The following KCND3 variants were observed in gnomAD, a reference collection of about 807,000 sequenced individuals.
KCND3 encodes the protein potassium voltage-gated channel subfamily D member 3, also known as A-type voltage-gated potassium channel KCND3.
Under a neutral mutation model 51.1 loss-of-function variants are expected in KCND3, and 9 were observed. The observed-to-expected ratio is 0.18, with a 90% CI of 0.11 to 0.31. KCND3 has a LOEUF of 0.31. KCND3 is among the 10% of genes least tolerant of loss of function. KCND3 has a pLI of 1.00. For synonymous variants in KCND3, 349 were observed against 368.0 expected (o/e 0.95, Z 0.59); for missense variants, 526 against 903.8 (o/e 0.58, Z 5.36).
At chr1:111,839,197 A>T (rs1243471753) in intron 2 of KCND3, among the ~76,000 whole-genome samples, 1 of 152,232 alleles carries the variant, frequency 6.6e-6, no homozygotes, top group East Asian at 1.9e-4. Flanking sequence ...TGCTTTCTCA[A>T]CAATTCCCAG....
intron 2 of KCND3, among the ~76,000 whole-genome samples, chr1:111,816,988 C>T (rs1451985425): frequency 6.6e-6 from 1 of 152,128 alleles, no homozygotes; most frequent in African/African-American, 2.4e-5. Context: ...TACATGCACA[C>T]ATCAATGTTT....
chr1:111,982,379 G>A lies in KCND3; in HGVS notation c.348C>T (p.Asp116=), dbSNP rs756600533. 15 of 1,614,180 alleles carry A rather than the reference G, an allele frequency of 9.3e-6. No individual in the cohort carries two copies. Among genetic ancestry groups the A allele is most frequent in the Admixed American group, 6.7e-5 (4 of 60,030 alleles). ...GGAGGATGCCGTAGAAGGCCAGCTC[G>A]TCGTCGTAGGCAGAGATGCACTCGT... ...PRYECISAYD[D]ELAFYGILPE... Residue 116 remains aspartate (D), a synonymous_variant, in exon 2 of 8, where the codon GAC becomes GAT. Coordinates refer to ENST00000302127, the MANE Select transcript of KCND3 (RefSeq NM_001378969.1). This position sits in a 1 kb window ranked among gnomAD's most constrained non-coding sequence, Gnocchi z 8.5.
rs1356823604 is a variant in KCND3, at chr1:111,970,371, G to T, written c.1106+11250C>A. On this transcript the variant is annotated intron_variant, in intron 2 of 7. Transcript: ENST00000302127. ...ATTTGCCTGTTCTGTTCACAGATAC[G>T]TCTTTGGCCTCCAGCATGATGCCTG... Among the ~76,000 whole-genome samples the T allele has an allele frequency of 2.6e-5, 4 of 152,184 alleles. No individual in the cohort carries two copies. In the South Asian group the frequency reaches 8.3e-4, roughly 32 times the overall value.
intron 6 of KCND3, 67 bp from the exon 7 acceptor site, chr1:111,777,340 T>G (rs72548731): frequency 2.0e-6 from 3 of 1,525,598 alleles, no homozygotes; most frequent in South Asian, 2.3e-5. Context: ...GCCCCTATAC[T>G]CTGTATGGCT....
Position 111,930,482 on chromosome 1 carries a change from G to C in KCND3, c.1106+51139C>G, listed in dbSNP as rs186231565. Among the ~76,000 whole-genome samples the C allele has an allele frequency of 2.9e-3, 446 of 152,344 alleles. 5 individuals are homozygous for C. Among genetic ancestry groups the C allele is most frequent in the African/African-American group, 9.7e-3 (402 of 41,586 alleles). The stretch of plus-strand genomic sequence containing the variant: ...TGGTTGGATGGATAACTGAATCAGT[G>C]TCTGAGCAGTAGACCAAGAAGCCAG... On this transcript the variant is annotated intron_variant, in intron 2 of 7. Coordinates refer to ENST00000302127, the MANE Select transcript of KCND3 (RefSeq NM_001378969.1).
At chr1:111,953,510 A>T (rs1373080571) in intron 2 of KCND3, among the ~76,000 whole-genome samples, 1 of 41,768 alleles carries the variant, frequency 2.4e-5, no homozygotes, top group African/African-American at 6.9e-5. Context: ...TTCCAGGCAA[A>T]GTGTTTCTTG....
intron 2 of KCND3, among the ~76,000 whole-genome samples, chr1:111,920,956 C>T (rs1319686513): frequency 6.6e-6 from 1 of 152,190 alleles, no homozygotes; most frequent in African/African-American, 2.4e-5. Flanking sequence ...ATTCTCTAAA[C>T]CCTGTGTATG....
chr1:111,808,281 C>T (rs1158984788), intron 2 of KCND3, among the ~76,000 whole-genome samples: 1 of 152,220 alleles, frequency 6.6e-6, no homozygotes, highest in Non-Finnish European at 1.5e-5. Flanking sequence ...CTTGGCCTGA[C>T]GTCTGCCACT....
chr1:111,921,444 G>A (rs1028014923), intron 2 of KCND3, among the ~76,000 whole-genome samples: 1 of 152,218 alleles, frequency 6.6e-6, no homozygotes, highest in Non-Finnish European at 1.5e-5. Flanking sequence ...TACAGAGGTA[G>A]AGGCAGGATT....
At chr1:111,834,580 C>T (rs1245893141) in intron 2 of KCND3, among the ~76,000 whole-genome samples, 5 of 152,174 alleles carry the variant, frequency 3.3e-5, no homozygotes, top group African/African-American at 9.7e-5. Context: ...CTCCTCAACA[C>T]CAGTCTTGAC....
intron 2 of KCND3, among the ~76,000 whole-genome samples, chr1:111,876,601 A>G (rs1456485855): frequency 6.6e-6 from 1 of 152,258 alleles, no homozygotes; most frequent in Non-Finnish European, 1.5e-5. Flanking sequence ...GGCAAGTTCA[A>G]TCTGCTCCCA....
At chr1:111,823,150 GA>G (rs1666423508) in intron 2 of KCND3, among the ~76,000 whole-genome samples, 1 of 152,230 alleles carries the variant, frequency 6.6e-6, no homozygotes, top group Non-Finnish European at 1.5e-5. Context: ...GGAAGATGGT[GA>G]GATTCTGAGG....
chr1:111,880,964 A>G (rs367847470), intron 2 of KCND3, among the ~76,000 whole-genome samples: 60 of 151,942 alleles, frequency 3.9e-4, no homozygotes, highest in African/African-American at 1.4e-3. Context: ...CTTGGCTCCC[A>G]CATCCTCTGT....
chr1:111,897,699 G>A (rs1472869087), intron 2 of KCND3, among the ~76,000 whole-genome samples: 2 of 152,226 alleles, frequency 1.3e-5, no homozygotes, highest in African/African-American at 4.8e-5. Context: ...GATCATCCAC[G>A]TGTGGCTGAG....
At chr1:111,789,539 G>A (rs1169994983) in intron 2 of KCND3, among the ~76,000 whole-genome samples, 1 of 152,228 alleles carries the variant, frequency 6.6e-6, no homozygotes, top group Non-Finnish European at 1.5e-5. Flanking sequence ...AAATCATGGT[G>A]CAGCAGAAAA....
intron 2 of KCND3, among the ~76,000 whole-genome samples, chr1:111,948,173 A>G (rs1304703544): frequency 2.0e-5 from 3 of 152,238 alleles, no homozygotes; most frequent in African/African-American, 7.2e-5. Flanking sequence ...CCATGCCCCT[A>G]TCCTGTGCGT....
At chr1:111,830,232 A>T (rs1440138443) in intron 2 of KCND3, among the ~76,000 whole-genome samples, 1 of 152,144 alleles carries the variant, frequency 6.6e-6, no homozygotes, top group Non-Finnish European at 1.5e-5. Context: ...TAAAAATGCA[A>T]ATCTGATCCC....
intron 2 of KCND3, among the ~76,000 whole-genome samples, chr1:111,942,160 C>A (rs1672555461): frequency 6.6e-6 from 1 of 152,164 alleles, no homozygotes; most frequent in South Asian, 2.1e-4. Context: ...CGAGCCAGGT[C>A]CTGTACTAAA....
intron 2 of KCND3, among the ~76,000 whole-genome samples, chr1:111,797,907 G>T (rs1331822277): frequency 5.3e-5 from 8 of 152,116 alleles, no homozygotes; most frequent in African/African-American, 1.9e-4. Context: ...AAGCAGTGTG[G>T]TGGATGTATT....
Sources: gnomAD v4.1 joint callset for allele counts (sites outside exome capture counted in the v4.1 genomes callset) on GRCh38, gnomAD v4.1.1 for gene constraint, Gnocchi (gnomAD v3.1) non-coding constraint, MANE v1.5 for transcripts, NCBI Gene and HGNC (gene_info 2026-07-23, HGNC 2026-07-21) for gene names.